Variants in KLHL4 observed in about 807,000 individuals in gnomAD.
KLHL4 encodes kelch like family member 4, also known as kelch-like protein 4.
In KLHL4, 17 loss-of-function variants were observed where a neutral mutation model predicts 45.8. The ratio of observed to expected loss-of-function variants is 0.37; its 90% CI spans 0.25 to 0.56. KLHL4 has a LOEUF of 0.56. KLHL4 is among the 20% of genes least tolerant of loss of function. The probability of loss-of-function intolerance (pLI) is 0.79; values close to 1 mark genes in which losing one functional copy is unlikely to be tolerated. For synonymous variants in KLHL4, 224 were observed against 189.9 expected (o/e 1.18, Z -1.47); for missense variants, 544 against 544.9 (o/e 1.00, Z 0.02).
intron 8 of KLHL4, among the ~76,000 whole-genome samples, chrX:87,635,158 C>G (rs967684009): frequency 1.8e-5 from 2 of 111,661 alleles, no homozygotes; most frequent in African/African-American, 6.5e-5. Flanking sequence ...TACATAAAAA[C>G]AATGGATTCT....
chrX:87,624,277 G>T (rs753354389), intron 5 of KLHL4, among the ~76,000 whole-genome samples: 1 of 111,964 alleles, frequency 8.9e-6, no homozygotes. Context: ...TTTCCTGATC[G>T]TAGTAGTGAT....
chrX:87,604,424 CTTT>C (rs35980706), intron 1 of KLHL4, among the ~76,000 whole-genome samples: 1 of 111,056 alleles, frequency 9.0e-6, no homozygotes, highest in Non-Finnish European at 1.9e-5. Context: ...CAAGACTTTT[CTTT>C]TTTTCTTTTT....
intron 9 of KLHL4, among the ~76,000 whole-genome samples, chrX:87,639,873 A>C (rs1444107371): frequency 9.3e-6 from 1 of 108,071 alleles, no homozygotes; most frequent in Non-Finnish European, 1.9e-5. Flanking sequence ...AAACAACAAC[A>C]ACAAAAAAAT....
At chrX:87,610,234 A>G (rs980702702) in intron 1 of KLHL4, among the ~76,000 whole-genome samples, 1 of 112,141 alleles carries the variant, frequency 8.9e-6, no homozygotes, top group African/African-American at 3.2e-5. Context: ...CCCTCCCATG[A>G]GACAAAGTGC....
intron 1 of KLHL4, among the ~76,000 whole-genome samples, chrX:87,518,547 T>C (rs1930937808): frequency 8.9e-6 from 1 of 111,957 alleles, no homozygotes. Context: ...TTACTTCTCC[T>C]ATTTTCATTA....
intron 9 of KLHL4, among the ~76,000 whole-genome samples, chrX:87,664,540 T>A (rs1924301177): frequency 8.9e-6 from 1 of 112,077 alleles, no homozygotes; most frequent in Non-Finnish European, 1.9e-5. Context: ...AAGTGCATGG[T>A]ATCTTGGAAA....
chrX:87,646,105 C>T, intron 9 of KLHL4, among the ~76,000 whole-genome samples: 1 of 111,349 alleles, frequency 9.0e-6, no homozygotes, highest in East Asian at 2.8e-4. Flanking sequence ...AGTGACCAAG[C>T]TGAGAATCAA....
intron 4 of KLHL4, among the ~76,000 whole-genome samples, chrX:87,618,359 T>G (rs902367922): frequency 2.7e-5 from 3 of 111,631 alleles, no homozygotes; most frequent in Non-Finnish European, 5.6e-5. Flanking sequence ...AAAAAATAAA[T>G]TGTACAACTG....
At chrX:87,551,548 G>A (rs6614686) in intron 1 of KLHL4, among the ~76,000 whole-genome samples, 26,201 of 108,963 alleles carry the variant, frequency 0.24, 2,739 homozygotes, top group East Asian at 0.51. Context: ...CCAAAGCAAG[G>A]CTAAGCATAG....
chrX:87,543,930 C>CTCTATGG (rs1198632101), intron 1 of KLHL4, among the ~76,000 whole-genome samples: 1 of 111,480 alleles, frequency 9.0e-6, no homozygotes, highest in Non-Finnish European at 1.9e-5. Flanking sequence ...CGGGTACTAC[C>CTCTATGG]TCTATGGTCT....
chrX:87,604,615 G>A (rs1428904345), intron 1 of KLHL4, among the ~76,000 whole-genome samples: 1 of 110,257 alleles, frequency 9.1e-6, no homozygotes, highest in Non-Finnish European at 1.9e-5. Context: ...TTTTAATCAG[G>A]TTATTTGGTT....
At chrX:87,604,674 G>C in intron 1 of KLHL4, among the ~76,000 whole-genome samples, 1 of 110,811 alleles carries the variant, frequency 9.0e-6, no homozygotes, top group South Asian at 3.8e-4. Flanking sequence ...TTAACCCCTT[G>C]TCAGCTGTAT....
Position 87,626,651 on chromosome X carries a change from T to TAAA in KLHL4, c.1324+867_1324+869dup, listed in dbSNP as rs141379060. 2.1e-3 allele frequency among the ~76,000 whole-genome samples: 211 copies of TAAA among 100,440 alleles called. 2 individuals carry two copies. Among genetic ancestry groups the TAAA allele is most frequent in the Middle Eastern group, 0.011 (2 of 189 alleles). The allele number at this position is 100,440 out of a possible 115,157, so 87.2% of individuals were successfully genotyped here. A position where few individuals can be genotyped will look rare whatever the true frequency, so the allele number is the denominator to read the frequency against. ...AAATTGTGAGGGATGTATGTAGCTT[T>TAAA]AAAAAAAAAAAAAACTCAGTATTTA... is the stretch of plus-strand genomic sequence containing the variant. On this transcript the variant is annotated intron_variant, in intron 6 of 10. Coordinates refer to ENST00000373119, the MANE Select transcript of KLHL4 (RefSeq NM_019117.5).
intron 1 of KLHL4, among the ~76,000 whole-genome samples, chrX:87,528,211 T>A (rs1931153745): frequency 9.0e-6 from 1 of 111,670 alleles, no homozygotes; most frequent in Non-Finnish European, 1.9e-5. Context: ...GAAAAAGAAT[T>A]AAGCAGAAAT....
chrX:87,548,149 T>G lies in KLHL4; in HGVS notation c.422+29834T>G, dbSNP rs748089448. On this transcript the variant is annotated intron_variant, in intron 1 of 10. Transcript: ENST00000373119. ...AATAACATACAATGGAGCTCTGATA[T>G]GTCTGGCAGCAGACTCCTCAGTGGA... Among the ~76,000 whole-genome samples, 33 of 111,905 alleles carry G rather than the reference T, an allele frequency of 2.9e-4. 1 individual carries two copies. The Admixed American group carries it at 3.0e-3, about 10-fold the overall frequency.
intron 1 of KLHL4, among the ~76,000 whole-genome samples, chrX:87,571,714 T>G (rs1339622117): frequency 4.5e-5 from 5 of 111,507 alleles, no homozygotes; most frequent in Non-Finnish European, 7.6e-5. Flanking sequence ...GTTTATGATT[T>G]TACTACAGTT....
At chrX:87,609,605 T>C (rs1474562022) in intron 1 of KLHL4, among the ~76,000 whole-genome samples, 1 of 111,434 alleles carries the variant, frequency 9.0e-6, no homozygotes, top group Non-Finnish European at 1.9e-5. Context: ...GTTGATGGGG[T>C]TTTTTGTTTT....
intron 1 of KLHL4, among the ~76,000 whole-genome samples, chrX:87,604,791 T>G (rs934287805): frequency 4.5e-5 from 5 of 111,787 alleles, no homozygotes; most frequent in African/African-American, 1.6e-4. Flanking sequence ...TTTTGTTTCT[T>G]TTTGTTTTTG....
chrX:87,576,105 C>T (rs1263070406), intron 1 of KLHL4, among the ~76,000 whole-genome samples: 1 of 111,285 alleles, frequency 9.0e-6, no homozygotes, highest in Non-Finnish European at 1.9e-5. Flanking sequence ...TTCTACAATA[C>T]TATGATATTG....
Sources: gnomAD v4.1 joint callset for allele counts (sites outside exome capture counted in the v4.1 genomes callset) on GRCh38, gnomAD v4.1.1 for gene constraint, MANE v1.5 for transcripts, NCBI Gene and HGNC (gene_info 2026-07-23, HGNC 2026-07-21) for gene names.